DERA: variants seen among roughly 807,000 people sequenced by gnomAD.
The protein encoded by DERA is 2-deoxy-D-ribose 5-phosphate aldolase.
In DERA, 15 loss-of-function variants were observed where a neutral mutation model predicts 41.1. The observed-to-expected ratio is 0.37, with a 90% CI of 0.24 to 0.56. The LOEUF (loss-of-function observed/expected upper bound fraction) is 0.56. Ranked by LOEUF, DERA falls within the 20% of genes least tolerant of loss-of-function variation. The pLI is 0.81. For synonymous variants in DERA, 139 were observed against 137.4 expected, an observed-to-expected ratio of 1.01 and a Z score of -0.08; for missense variants, 396 against 403.4, an observed-to-expected ratio of 0.98 and a Z score of 0.16.
At chr12:15,919,162 C>T (rs1053664602) in intron 1 of DERA, among the ~76,000 whole-genome samples, 3 of 151,954 alleles carry the variant, frequency 2.0e-5, no homozygotes, top group South Asian at 2.1e-4. Flanking sequence ...TATTGTGATA[C>T]TATTTGATAA....
intron 1 of DERA, among the ~76,000 whole-genome samples, chr12:15,917,835 C>T (rs116819856): frequency 0.011 from 1,648 of 152,216 alleles, 33 homozygotes; most frequent in African/African-American, 0.038. Flanking sequence ...GTTCTCCAGG[C>T]AGCATTTTTT....
Position 15,911,359 on chromosome 12 carries a change from C to T in DERA, c.-25C>T, listed in dbSNP as rs753796680. ...GGCGCAGAGGCGGGCGCCTACCAGC[C>T]GGCAGCTCCGGAGCTGCCCGCGCCA... On this transcript the variant is annotated 5_prime_UTR_variant, in exon 1 of 9. Coordinates refer to ENST00000428559, the MANE Select transcript of DERA (RefSeq NM_015954.4). The surrounding 1 kb of genome is among the most constrained non-coding windows in gnomAD (Gnocchi z 4.5). 10 of 1,422,534 alleles carry T rather than the reference C, an allele frequency of 7.0e-6. No homozygotes were observed. The highest frequency in any genetic ancestry group is 6.1e-5 in the Admixed American group (2 of 32,594). 88.1% of individuals were successfully genotyped at this position (1,422,534 alleles called of 1,614,324 possible).
Position 15,957,098 on chromosome 12 carries a change from C to G in DERA, c.129+65C>G, listed in dbSNP as rs922000014. 1.6e-6 allele frequency: 2 copies of G among 1,243,560 alleles called. No homozygotes were observed. The highest frequency in any genetic ancestry group is 2.3e-6 in the Non-Finnish European group (2 of 852,170). The allele number at this position is 1,243,560 out of a possible 1,614,324, so 77.0% of individuals were successfully genotyped here. On this transcript the variant is annotated intron_variant, in intron 2 of 8. Coordinates refer to ENST00000428559, the MANE Select transcript of DERA (RefSeq NM_015954.4). The surrounding 1 kb of genome is among the most constrained non-coding windows in gnomAD (Gnocchi z 4.8). ...AATGCATGGTCTCTTCCCTCAAGGC[C>G]ACAATATTGAATTTCACTCAAGATG... is the stretch of plus-strand genomic sequence containing the variant.
intron 5 of DERA, among the ~76,000 whole-genome samples, chr12:15,977,318 T>C (rs1354410056): frequency 6.6e-6 from 1 of 152,196 alleles, no homozygotes; most frequent in Non-Finnish European, 1.5e-5. Flanking sequence ...TGTGTGTGTG[T>C]GCTGGGATAG....
rs1948779856 is a variant in DERA at position 15,988,472 on chromosome 12, G to A, written c.637+6036G>A. ...TCAGTAGAGAGGAGACCTGTAGTGG[G>A]TAGCTCCTTTTTGCAGGCAGGTCGT... On this transcript the variant is annotated intron_variant, in intron 6 of 8. Transcript: ENST00000428559. This position sits in a 1 kb window ranked among gnomAD's most constrained non-coding sequence, Gnocchi z 6.0. 6.6e-6 allele frequency among the ~76,000 whole-genome samples: 1 copy of A among 152,184 alleles called. No homozygotes were observed. The highest frequency in any genetic ancestry group is 1.5e-5 in the Non-Finnish European group (1 of 68,034).
In DERA at chr12:15,996,506, C is replaced by A. The variant is rs1283611035; in HGVS notation, c.637+14070C>A. On this transcript the variant is annotated intron_variant, in intron 6 of 8. Coordinates refer to ENST00000428559, the MANE Select transcript of DERA (RefSeq NM_015954.4). This position sits in a 1 kb window ranked among gnomAD's most constrained non-coding sequence, Gnocchi z 4.7. ...GCCTCTGTCACTAGATGGCTGTCTT[C>A]CCTCTGTGTGTCTCTGTCTGTGTCT... is the stretch of plus-strand genomic sequence containing the variant. Among the ~76,000 whole-genome samples the A allele has an allele frequency of 6.6e-6, 1 of 152,086 alleles. No individual in the cohort carries two copies. Among genetic ancestry groups the A allele is most frequent in the South Asian group, 2.1e-4 (1 of 4,826 alleles).
At chr12:15,934,554 A>C (rs1948352107) in intron 1 of DERA, among the ~76,000 whole-genome samples, 1 of 151,896 alleles carries the variant, frequency 6.6e-6, no homozygotes, top group South Asian at 2.1e-4. Flanking sequence ...GTGCCACTGC[A>C]CTCCAGCCTG....
At chr12:15,942,725 TC>T (rs1171212319) in intron 1 of DERA, among the ~76,000 whole-genome samples, 1 of 152,204 alleles carries the variant, frequency 6.6e-6, no homozygotes, top group Non-Finnish European at 1.5e-5. Context: ...GTTTTGGTTT[TC>T]TTTTAGAGTG....
chr12:15,937,272 T>C (rs1948375320), intron 1 of DERA, among the ~76,000 whole-genome samples: 1 of 152,232 alleles, frequency 6.6e-6, no homozygotes, highest in East Asian at 1.9e-4. Flanking sequence ...TTCTTTAATT[T>C]GGAAGTTATA....
chr12:15,978,822 G>A (rs1043977228), intron 5 of DERA, among the ~76,000 whole-genome samples: 12 of 152,104 alleles, frequency 7.9e-5, no homozygotes, highest in African/African-American at 2.9e-4. Context: ...CATCACTGCT[G>A]CCACCAACAA....
At position 15,957,502 on chromosome 12, in the gene DERA, C is replaced by T. The variant is rs370478985; in HGVS notation, c.129+469C>T. 6.6e-5 allele frequency among the ~76,000 whole-genome samples: 10 copies of T among 152,194 alleles called. No homozygotes were observed. The East Asian group carries it at 7.7e-4, about 12-fold the overall frequency. On this transcript the variant is annotated intron_variant, in intron 2 of 8. Transcript: ENST00000428559. This position sits in a 1 kb window ranked among gnomAD's most constrained non-coding sequence, Gnocchi z 4.8. ...TTTCAAAATTCCAAAAATGATGTTTCGTAGAGTACTTGCGGTCAGCATTTT... is the reference window on the plus strand; with the variant it reads ...TTTCAAAATTCCAAAAATGATGTTTTGTAGAGTACTTGCGGTCAGCATTTT...
At chr12:15,958,581 A>T (rs1948559447) in intron 3 of DERA, among the ~76,000 whole-genome samples, 1 of 145,796 alleles carries the variant, frequency 6.9e-6, no homozygotes, top group Non-Finnish European at 1.5e-5. Context: ...GTAGAGAGTG[A>T]CTTTATTTCT....
rs1015772791 is a variant in DERA at position 15,944,358 on chromosome 12, G to A, written c.32-12578G>A. Among the ~76,000 whole-genome samples the A allele has an allele frequency of 1.9e-4, 29 of 152,178 alleles. 1 individual carries two copies. Among genetic ancestry groups the A allele is most frequent in the Admixed American group, 1.7e-3 (26 of 15,284 alleles). On this transcript the variant is annotated intron_variant, in intron 1 of 8. Coordinates refer to ENST00000428559, the MANE Select transcript of DERA (RefSeq NM_015954.4). Reference sequence around the variant, plus strand: ...ACACTCCCAACAACAGTGTAAAAGTGTTCCTATTTCTCCACATCCTCTCCA... The same window carrying A: ...ACACTCCCAACAACAGTGTAAAAGTATTCCTATTTCTCCACATCCTCTCCA...
At chr12:16,016,312 G>C (rs1948981772) in intron 6 of DERA, among the ~76,000 whole-genome samples, 1 of 152,150 alleles carries the variant, frequency 6.6e-6, no homozygotes, top group Non-Finnish European at 1.5e-5. Flanking sequence ...CAGAAAAGGG[G>C]AGGGGAAGGG....
intron 4 of DERA, 190 bp from the exon 5 acceptor site, chr12:15,962,623 C>T: frequency 2.1e-6 from 1 of 476,968 alleles, no homozygotes; most frequent in Non-Finnish European, 3.7e-6. Context: ...CATTCAATTT[C>T]TTCACACTTA....
intron 6 of DERA, among the ~76,000 whole-genome samples, chr12:16,016,696 G>A (rs1171004133): frequency 6.8e-6 from 1 of 147,282 alleles, no homozygotes; most frequent in South Asian, 2.1e-4. Flanking sequence ...GAGGGCTGAG[G>A]CAAGAGGATC....
chr12:15,926,673 T>C (rs1043581071), intron 1 of DERA, among the ~76,000 whole-genome samples: 2 of 150,858 alleles, frequency 1.3e-5, no homozygotes, highest in East Asian at 2.0e-4. Context: ...GAGGCGGAGC[T>C]TGCAGTGAGC....
rs982330830 is a variant in DERA at position 15,931,375 on chromosome 12, A to G, written c.31+19961A>G. On this transcript the variant is annotated intron_variant, in intron 1 of 8. Coordinates refer to ENST00000428559, the MANE Select transcript of DERA (RefSeq NM_015954.4). This position sits in a 1 kb window ranked among gnomAD's most constrained non-coding sequence, Gnocchi z 4.6. The stretch of plus-strand genomic sequence containing the variant: ...CTCTGAAGCGCTTGGTTCCTAGAAT[A>G]ATTGATTAAATCTTTTCAAAGCACT... Among the ~76,000 whole-genome samples, 1 of 152,204 alleles carries G rather than the reference A, an allele frequency of 6.6e-6. No individual in the cohort carries two copies. Among genetic ancestry groups the G allele is most frequent in the African/African-American group, 2.4e-5 (1 of 41,472 alleles).
intron 1 of DERA, among the ~76,000 whole-genome samples, chr12:15,917,436 T>C (rs1948208847): frequency 6.6e-6 from 1 of 152,234 alleles, no homozygotes; most frequent in African/African-American, 2.4e-5. Flanking sequence ...TTCTCTTTAA[T>C]ATTTAATACT....
Sources: gnomAD v4.1 joint callset for allele counts (sites outside exome capture counted in the v4.1 genomes callset) on GRCh38, gnomAD v4.1.1 for gene constraint, Gnocchi (gnomAD v3.1) non-coding constraint, MANE v1.5 for transcripts, NCBI Gene and HGNC (gene_info 2026-07-23, HGNC 2026-07-21) for gene names.